The following KIAA1217 variants were observed in gnomAD, a reference collection of about 807,000 sequenced individuals.
The protein encoded by KIAA1217 is sickle tail protein homolog.
Under a neutral mutation model 163.9 loss-of-function variants are expected in KIAA1217, and 88 were observed. That is an observed-to-expected ratio of 0.54 (90% CI 0.45 to 0.64). KIAA1217 has a LOEUF of 0.64. KIAA1217 is among the 30% of genes least tolerant of loss of function. KIAA1217 has a pLI of 0.00. For synonymous variants in KIAA1217, 903 were observed against 923.1 expected, an observed-to-expected ratio of 0.98 and a Z score of 0.39; for missense variants, 2,372 against 2,475.0, an observed-to-expected ratio of 0.96 and a Z score of 0.88.
chr10:24,408,253 TG>T (rs1261647001), intron 3 of KIAA1217, among the ~76,000 whole-genome samples: 1 of 152,234 alleles, frequency 6.6e-6, no homozygotes, highest in East Asian at 1.9e-4. Flanking sequence ...CTTCATAAGT[TG>T]GGGGTATTTT....
chr10:23,722,006 G>T (rs1348776011), intron 1 of KIAA1217, among the ~76,000 whole-genome samples: 3 of 152,088 alleles, frequency 2.0e-5, no homozygotes, highest in African/African-American at 7.2e-5. Flanking sequence ...ATATTATTCA[G>T]CCCTAAAAAG....
At chr10:24,167,037 G>C (rs564812813) in intron 2 of KIAA1217, among the ~76,000 whole-genome samples, 19 of 151,832 alleles carry the variant, frequency 1.3e-4, no homozygotes, top group Admixed American at 1.2e-3. Context: ...CCCCCTTTAG[G>C]TTTCACATAA....
intron 1 of KIAA1217, among the ~76,000 whole-genome samples, chr10:23,862,122 A>G (rs1588970482): frequency 6.6e-6 from 1 of 152,254 alleles, no homozygotes; most frequent in Middle Eastern, 3.4e-3. Flanking sequence ...ACTGAGATGC[A>G]TTTAGGTGAG....
intron 2 of KIAA1217, among the ~76,000 whole-genome samples, chr10:24,356,380 C>T (rs1307031582): frequency 1.3e-5 from 2 of 152,288 alleles, no homozygotes; most frequent in African/African-American, 2.4e-5. Flanking sequence ...TCCTTCTGAC[C>T]GCAGGTCCTT....
intron 2 of KIAA1217, among the ~76,000 whole-genome samples, chr10:24,121,340 T>TCTAA (rs1347343124): frequency 5.9e-5 from 9 of 152,224 alleles, no homozygotes; most frequent in Non-Finnish European, 1.0e-4. Context: ...CTATGTAAAG[T>TCTAA]CTAACTTCAC....
intron 1 of KIAA1217, among the ~76,000 whole-genome samples, chr10:23,914,643 C>G (rs76482155): frequency 0.017 from 2,647 of 152,216 alleles, 45 homozygotes; most frequent in Admixed American, 0.052. Context: ...CAGCTGTAAC[C>G]CAGCCCCGTG....
intron 2 of KIAA1217, among the ~76,000 whole-genome samples, chr10:24,369,179 A>ATGTGTG (rs59687010): frequency 0.038 from 5,358 of 139,552 alleles, 181 homozygotes; most frequent in South Asian, 0.072. Flanking sequence ...AACTTTCACT[A>ATGTGTG]TGTGTGTGTG....
chr10:23,954,019 T>G (rs986192353), intron 1 of KIAA1217, among the ~76,000 whole-genome samples: 18 of 152,214 alleles, frequency 1.2e-4, no homozygotes, highest in African/African-American at 4.1e-4. Context: ...TCGTTTAATT[T>G]AAATCTGTTT....
At chr10:24,505,878 G>A (rs185577147) in intron 9 of KIAA1217, among the ~76,000 whole-genome samples, 1 of 152,164 alleles carries the variant, frequency 6.6e-6, no homozygotes, top group Admixed American at 6.5e-5. Context: ...CTTTTTATGA[G>A]ATGGCGCCTC....
intron 5 of KIAA1217, among the ~76,000 whole-genome samples, chr10:24,456,220 A>G (rs1288343302): frequency 6.6e-6 from 1 of 152,218 alleles, no homozygotes; most frequent in East Asian, 1.9e-4. Flanking sequence ...TCTTTGAAAT[A>G]TAATACAGTA....
chr10:23,789,415 A>G (rs1038015716), intron 1 of KIAA1217, among the ~76,000 whole-genome samples: 9 of 152,202 alleles, frequency 5.9e-5, no homozygotes. Flanking sequence ...CTCTAGAATC[A>G]AATATTGTTA....
chr10:23,929,713 C>A (rs903491316), intron 1 of KIAA1217, among the ~76,000 whole-genome samples: 2 of 152,176 alleles, frequency 1.3e-5, no homozygotes, highest in African/African-American at 4.8e-5. Context: ...AGTGGATGGG[C>A]ACCTAAGTTG....
intron 2 of KIAA1217, among the ~76,000 whole-genome samples, chr10:24,088,788 A>G (rs2061816060): frequency 8.0e-6 from 1 of 124,522 alleles, no homozygotes; most frequent in Non-Finnish European, 2.0e-5. Flanking sequence ...AGCATGATTT[A>G]TAAGCCTTTG....
chr10:24,436,529 T>C (rs369067082), intron 4 of KIAA1217, among the ~76,000 whole-genome samples: 33 of 149,284 alleles, frequency 2.2e-4, no homozygotes, highest in Middle Eastern at 3.5e-3. Flanking sequence ...GAGGCCAAGG[T>C]GGGCGGATCA....
chr10:23,931,944 A>AC (rs1843269419), intron 1 of KIAA1217, among the ~76,000 whole-genome samples: 3 of 152,116 alleles, frequency 2.0e-5, no homozygotes, highest in African/African-American at 7.2e-5. Flanking sequence ...AAGGGACAAA[A>AC]AATGGGGCCA....
At chr10:23,852,479 G>C (rs895764834) in intron 1 of KIAA1217, among the ~76,000 whole-genome samples, 1 of 152,136 alleles carries the variant, frequency 6.6e-6, no homozygotes, top group Non-Finnish European at 1.5e-5. Context: ...TTTGGCTTAG[G>C]ATTGACTTGG....
intron 4 of KIAA1217, among the ~76,000 whole-genome samples, chr10:24,436,484 C>T (rs1338106956): frequency 4.0e-5 from 6 of 148,208 alleles, no homozygotes; most frequent in South Asian, 2.1e-4. Flanking sequence ...AAAGGCTGGG[C>T]GCTGTGGCTC....
chr10:23,935,441 C>T (rs1843485882), intron 1 of KIAA1217, among the ~76,000 whole-genome samples: 1 of 152,178 alleles, frequency 6.6e-6, no homozygotes, highest in Admixed American at 6.5e-5. Context: ...ACTCACTCGA[C>T]ATTTATCGGC....
intron 1 of KIAA1217, among the ~76,000 whole-genome samples, chr10:23,713,371 T>A (rs1257592597): frequency 6.6e-6 from 1 of 152,198 alleles, no homozygotes; most frequent in Non-Finnish European, 1.5e-5. Context: ...AGTTTTATCA[T>A]CAGAGATTTT....
Sources: gnomAD v4.1 joint callset for allele counts (sites outside exome capture counted in the v4.1 genomes callset) on GRCh38, gnomAD v4.1.1 for gene constraint, MANE v1.5 for transcripts, NCBI Gene and HGNC (gene_info 2026-07-23, HGNC 2026-07-21) for gene names.